The following CAST variants were observed in gnomAD, a reference collection of about 807,000 sequenced individuals.
CAST encodes calpastatin, also known as MIR583 host.
Under a neutral mutation model 119.6 loss-of-function variants are expected in CAST, and 76 were observed. The ratio of observed to expected loss-of-function variants is 0.64; its 90% CI spans 0.53 to 0.77. The LOEUF is 0.77. Among genes scored for constraint, CAST ranks in the 30% least tolerant of loss-of-function variants. The pLI is 0.00. For synonymous variants in CAST, 319 were observed against 331.6 expected (o/e 0.96, Z 0.41); for missense variants, 953 against 946.5 (o/e 1.01, Z -0.09).
At chr5:96,704,822 A>T (rs186637078) in intron 3 of CAST, among the ~76,000 whole-genome samples, 130 of 152,196 alleles carry the variant, frequency 8.5e-4, no homozygotes, top group Non-Finnish European at 1.2e-3. Flanking sequence ...ATTGCATTTA[A>T]TTTTTTCTCT....
chr5:96,480,384 T>C, the CAST span, among the ~76,000 whole-genome samples: 1 of 152,196 alleles, frequency 6.6e-6, no homozygotes, highest in Non-Finnish European at 1.5e-5. Flanking sequence ...TGTGTTTGGA[T>C]GACTGGCTTG....
At chr5:96,647,163 C>T (rs1476922812) in intron 1 of CAST, among the ~76,000 whole-genome samples, 1 of 152,144 alleles carries the variant, frequency 6.6e-6, no homozygotes, top group Non-Finnish European at 1.5e-5. Context: ...TCGGAGGAAA[C>T]AAAAACCCCA....
intron 1 of CAST, among the ~76,000 whole-genome samples, chr5:96,551,068 A>G (rs928203026): frequency 2.0e-5 from 3 of 152,168 alleles, no homozygotes; most frequent in Admixed American, 2.0e-4. Flanking sequence ...TACAGAGAAC[A>G]CCACAAAGAT....
At chr5:96,497,017 C>G in the CAST span, among the ~76,000 whole-genome samples, 3 of 117,130 alleles carry the variant, frequency 2.6e-5, no homozygotes, top group Non-Finnish European at 3.4e-5. Flanking sequence ...CCCCTCCCCC[C>G]ACCCCACAAC....
chr5:96,703,224 C>T (rs1754234774), intron 3 of CAST, among the ~76,000 whole-genome samples: 1 of 147,844 alleles, frequency 6.8e-6, no homozygotes, highest in African/African-American at 2.6e-5. Flanking sequence ...GTACAAGTGG[C>T]CCGAGACAAG....
At chr5:96,748,138 T>C (rs181035952) in intron 18 of CAST, among the ~76,000 whole-genome samples, 4 of 152,300 alleles carry the variant, frequency 2.6e-5, no homozygotes, top group African/African-American at 9.6e-5. Context: ...ATATCATCCG[T>C]GTTTTGACTT....
At chr5:96,455,761 C>T in the CAST span, among the ~76,000 whole-genome samples, 7 of 152,266 alleles carry the variant, frequency 4.6e-5, no homozygotes, top group African/African-American at 1.2e-4. Flanking sequence ...AACTTAATTC[C>T]ATCTTCCCTC....
Position 96,574,908 on chromosome 5 carries a change from C to T in CAST, c.60+45028C>T, listed in dbSNP as rs1025699695. On this transcript the variant is annotated intron_variant, in intron 1 of 11. Transcript: ENST00000505143. ...TTGTTACATGTGTCTATCTCTCTGCCCATGCCATTCCAAATAAACCATAGA... is the reference window on the plus strand; with the variant it reads ...TTGTTACATGTGTCTATCTCTCTGCTCATGCCATTCCAAATAAACCATAGA... Among the ~76,000 whole-genome samples the T allele has an allele frequency of 5.9e-5, 9 of 152,070 alleles. No homozygotes were observed. The East Asian group carries it at 1.7e-3, about 29-fold the overall frequency.
At chr5:96,365,488 C>T in the CAST span, among the ~76,000 whole-genome samples, 1 of 152,184 alleles carries the variant, frequency 6.6e-6, no homozygotes, top group African/African-American at 2.4e-5. Context: ...TAAGGACTTA[C>T]TTTATGAATC....
chr5:96,385,820 G>A, the CAST span, among the ~76,000 whole-genome samples: 1 of 152,130 alleles, frequency 6.6e-6, no homozygotes, highest in Non-Finnish European at 1.5e-5. Flanking sequence ...TTCTCATGAG[G>A]TTAAAATTGT....
At chr5:96,714,025 G>T (rs1245940190) in intron 3 of CAST, among the ~76,000 whole-genome samples, 1 of 152,076 alleles carries the variant, frequency 6.6e-6, no homozygotes, top group Non-Finnish European at 1.5e-5. Context: ...GTCATTCTGA[G>T]GCCAAGCAAA....
At chr5:96,388,233 A>C in the CAST span, among the ~76,000 whole-genome samples, 1 of 152,260 alleles carries the variant, frequency 6.6e-6, no homozygotes, top group South Asian at 2.1e-4. Flanking sequence ...TTACTGGTAC[A>C]TTAATGATAG....
At chr5:96,229,613 G>A in the CAST span, among the ~76,000 whole-genome samples, 74 of 152,230 alleles carry the variant, frequency 4.9e-4, no homozygotes, top group Middle Eastern at 3.4e-3. Context: ...TCTAAATTTA[G>A]TGAATGTATA....
chr5:96,662,340 T>TCTCCCTCC, upstream of CAST: 1 of 236,758 alleles, frequency 4.2e-6, no homozygotes, highest in East Asian at 2.8e-4. Flanking sequence ...TCCCTCCCTC[T>TCTCCCTCC]CTCCCTGGCA....
At chr5:96,584,491 G>T (rs1746822095) in intron 1 of CAST, 1 of 152,190 alleles carries the variant, frequency 6.6e-6, no homozygotes, top group Non-Finnish European at 1.5e-5. Context: ...ACTAGGTGGA[G>T]CAAAGTAGGA....
At chr5:96,535,363 A>G (rs890966528) in intron 1 of CAST, among the ~76,000 whole-genome samples, 1 of 147,206 alleles carries the variant, frequency 6.8e-6, no homozygotes, top group African/African-American at 2.5e-5. Context: ...TTCATTTATC[A>G]TTGTGGAAGC....
At chr5:96,024,672 C>T in the CAST span, among the ~76,000 whole-genome samples, 2 of 152,058 alleles carry the variant, frequency 1.3e-5, no homozygotes, top group African/African-American at 2.4e-5. Flanking sequence ...TTGATAAAAA[C>T]AAGTGAATTA....
chr5:96,541,334 TAA>T (rs34079380), intron 1 of CAST, among the ~76,000 whole-genome samples: 4 of 151,090 alleles, frequency 2.6e-5, no homozygotes, highest in East Asian at 3.9e-4. Context: ...GTCATTTTTT[TAA>T]AAAAAAAAAT....
chr5:96,367,651 T>C, the CAST span, among the ~76,000 whole-genome samples: 3,182 of 152,156 alleles, frequency 0.021, 119 homozygotes, highest in African/African-American at 0.073. Flanking sequence ...TCCTGATGTG[T>C]CGTTTGCTAA....
Sources: gnomAD v4.1 joint callset for allele counts (sites outside exome capture counted in the v4.1 genomes callset) on GRCh38, gnomAD v4.1.1 for gene constraint, MANE v1.5 for transcripts, NCBI Gene and HGNC (gene_info 2026-07-23, HGNC 2026-07-21) for gene names.